Variants in RNGTT observed in about 807,000 individuals in gnomAD.
The protein encoded by RNGTT is RNA guanylyltransferase and 5'-phosphatase, also known as mRNA-capping enzyme.
A neutral mutation model predicts 79.3 loss-of-function variants in RNGTT; 33 were observed. The ratio of observed to expected loss-of-function variants is 0.42; its 90% CI spans 0.32 to 0.56. RNGTT has a LOEUF of 0.56. Ranked by LOEUF, RNGTT falls within the 20% of genes least tolerant of loss-of-function variation. The pLI is 0.17. For missense variants in RNGTT, 497 were observed against 739.1 expected, an observed-to-expected ratio of 0.67 and a Z score of 3.80; for synonymous variants, 222 against 235.9, an observed-to-expected ratio of 0.94 and a Z score of 0.54.
At chr6:88,781,085 G>A (rs539299376) in intron 12 of RNGTT, among the ~76,000 whole-genome samples, 42 of 152,286 alleles carry the variant, frequency 2.8e-4, no homozygotes, top group Non-Finnish European at 5.6e-4. Context: ...AATGTCAATG[G>A]TGCCAAGGCT....
At chr6:88,647,267 G>T (rs1773601976) in intron 14 of RNGTT, among the ~76,000 whole-genome samples, 1 of 152,030 alleles carries the variant, frequency 6.6e-6, no homozygotes. Flanking sequence ...GTTACTTATA[G>T]TTTATAAATA....
chr6:88,894,026 A>G (rs996824812), intron 6 of RNGTT, among the ~76,000 whole-genome samples: 22 of 152,168 alleles, frequency 1.4e-4, no homozygotes, highest in African/African-American at 4.8e-5. Context: ...TTCTACCTAG[A>G]GCTGAAAGCA....
Position 88,904,879 on chromosome 6 carries a change from A to G in RNGTT, c.520T>C (p.Phe174Leu), listed in dbSNP as rs1305594281. ...IYKGDYLKELFRRYGDIEEAP... is the reference protein window; with the variant it reads ...IYKGDYLKELLRRYGDIEEAP... Reference sequence around the variant, plus strand: ...TCCTCTATGTCACCATACCGACGAAAAAGTTCCTTCAAATAATCACCCTTG... The same window carrying G: ...TCCTCTATGTCACCATACCGACGAAGAAGTTCCTTCAAATAATCACCCTTG... The change falls in exon 6 of 16, where the codon TTT (phenylalanine) becomes CTT (leucine). Residue 174 changes from phenylalanine to leucine, a missense_variant. Coordinates refer to ENST00000369485, the MANE Select transcript of RNGTT (RefSeq NM_003800.5). 27 of 1,614,106 alleles carry G rather than the reference A, an allele frequency of 1.7e-5. No homozygotes were observed. Among genetic ancestry groups the G allele is most frequent in the Non-Finnish European group, 2.1e-5 (25 of 1,180,018 alleles).
chr6:88,726,584 G>C (rs1322130727), intron 13 of RNGTT, among the ~76,000 whole-genome samples: 1 of 152,068 alleles, frequency 6.6e-6, no homozygotes, highest in African/African-American at 2.4e-5. Context: ...CTCCCTTCAG[G>C]ACAGGAGGAT....
At chr6:88,740,410 C>A (rs1219339231) in intron 13 of RNGTT, among the ~76,000 whole-genome samples, 3 of 151,654 alleles carry the variant, frequency 2.0e-5, no homozygotes, top group Non-Finnish European at 4.4e-5. Flanking sequence ...CCCAGCTACT[C>A]GAGAGGCTGA....
At chr6:88,798,749 T>C (rs1010842219) in intron 12 of RNGTT, among the ~76,000 whole-genome samples, 9 of 152,316 alleles carry the variant, frequency 5.9e-5, no homozygotes, top group Middle Eastern at 3.4e-3. Context: ...CCAAAACCTG[T>C]TTATGATTTT....
At chr6:88,824,993 T>G (rs944876442) in intron 11 of RNGTT, among the ~76,000 whole-genome samples, 5 of 152,212 alleles carry the variant, frequency 3.3e-5, no homozygotes, top group African/African-American at 1.2e-4. Flanking sequence ...TCCTCCCACC[T>G]CGGCCTCCCA....
At chr6:88,844,002 C>T (rs1781403471) in intron 11 of RNGTT, among the ~76,000 whole-genome samples, 1 of 150,660 alleles carries the variant, frequency 6.6e-6, no homozygotes, top group Admixed American at 6.6e-5. Flanking sequence ...AATAAGAGTA[C>T]GTACCAAACA....
chr6:88,827,102 G>C (rs1780693319), intron 11 of RNGTT, among the ~76,000 whole-genome samples: 1 of 151,964 alleles, frequency 6.6e-6, no homozygotes, highest in Non-Finnish European at 1.5e-5. Context: ...GGCCTGGCAA[G>C]ATGGCCAAAT....
chr6:88,705,011 C>T (rs1371266667), intron 13 of RNGTT, among the ~76,000 whole-genome samples: 1 of 152,118 alleles, frequency 6.6e-6, no homozygotes, highest in Non-Finnish European at 1.5e-5. Flanking sequence ...TGATTACAGG[C>T]TCACATGAAC....
At chr6:88,757,418 C>T (rs1242485603) in intron 13 of RNGTT, among the ~76,000 whole-genome samples, 1 of 152,044 alleles carries the variant, frequency 6.6e-6, no homozygotes, top group Non-Finnish European at 1.5e-5. Flanking sequence ...AACCTAGTAT[C>T]TAAATACAAA....
intron 13 of RNGTT, among the ~76,000 whole-genome samples, chr6:88,725,167 C>T (rs1471133361): frequency 6.6e-6 from 1 of 152,206 alleles, no homozygotes; most frequent in African/African-American, 2.4e-5. Flanking sequence ...GGGGCGGTCT[C>T]TGGTTGTCTC....
chr6:88,958,098 G>A (rs1421378728), intron 1 of RNGTT, among the ~76,000 whole-genome samples: 1 of 152,154 alleles, frequency 6.6e-6, no homozygotes, highest in Non-Finnish European at 1.5e-5. Context: ...ACTGATCTTT[G>A]ACAAAGCAAA....
intron 8 of RNGTT, among the ~76,000 whole-genome samples, chr6:88,888,396 C>A (rs920691312): frequency 6.6e-6 from 1 of 152,136 alleles, no homozygotes; most frequent in African/African-American, 2.4e-5. Context: ...TGAACATAAT[C>A]TAACCCAACA....
At chr6:88,887,274 G>T (rs544874685) in intron 8 of RNGTT, among the ~76,000 whole-genome samples, 1 of 152,124 alleles carries the variant, frequency 6.6e-6, no homozygotes, top group East Asian at 1.9e-4. Context: ...ATCCTACACT[G>T]TATCCTGACA....
At chr6:88,777,742 G>A (rs564638505) in intron 12 of RNGTT, among the ~76,000 whole-genome samples, 7 of 152,272 alleles carry the variant, frequency 4.6e-5, no homozygotes, top group African/African-American at 1.7e-4. Flanking sequence ...TCTGCAAACA[G>A]AGATAATTCT....
At chr6:88,658,223 C>T (rs1369049659) in intron 14 of RNGTT, among the ~76,000 whole-genome samples, 1 of 152,196 alleles carries the variant, frequency 6.6e-6, no homozygotes, top group African/African-American at 2.4e-5. Context: ...CCACCTGCAA[C>T]ACCTTGGCCA....
At chr6:88,854,991 G>C (rs571650279) in intron 8 of RNGTT, among the ~76,000 whole-genome samples, 1 of 152,154 alleles carries the variant, frequency 6.6e-6, no homozygotes, top group Admixed American at 6.5e-5. Context: ...TAGCAAAAAA[G>C]ATTAGAAAGT....
At chr6:88,727,164 C>CA (rs1776940519) in intron 13 of RNGTT, among the ~76,000 whole-genome samples, 1 of 151,848 alleles carries the variant, frequency 6.6e-6, no homozygotes, top group Non-Finnish European at 1.5e-5. Context: ...GGAATTTATG[C>CA]AAAAAATGTT....
Sources: allele counts gnomAD v4.1 joint callset (sites outside exome capture counted in the v4.1 genomes callset), GRCh38; gene constraint gnomAD v4.1.1; transcripts MANE v1.5; gene names NCBI Gene and HGNC (gene_info 2026-07-23, HGNC 2026-07-21).